ZFR: variants seen among roughly 807,000 people sequenced by gnomAD.
ZFR encodes zinc finger RNA binding protein.
Under a neutral mutation model 130.7 loss-of-function variants are expected in ZFR, and 19 were observed. The observed-to-expected ratio is 0.15, with a 90% CI of 0.10 to 0.21. The LOEUF is 0.21. Ranked by LOEUF, ZFR falls within the 10% of genes least tolerant of loss-of-function variation. ZFR has a pLI of 1.00. For missense variants in ZFR, 872 were observed against 1,321.5 expected (o/e 0.66, Z 5.27); for synonymous variants, 466 against 456.9 (o/e 1.02, Z -0.25).
intron 11 of ZFR, 25 bp downstream of exon 11, chr5:32,395,134 G>C: frequency 4.5e-6 from 7 of 1,562,644 alleles, no homozygotes; most frequent in Non-Finnish European, 6.0e-6. Context: ...CCACTTACCA[G>C]GCTATTAAAA....
At chr5:32,385,484 T>C (rs773288690) in intron 15 of ZFR, 24 bp downstream of exon 15, 14 of 1,607,776 alleles carry the variant, frequency 8.7e-6, no homozygotes, top group Non-Finnish European at 1.1e-5. Context: ...TAATAGAAAG[T>C]AGAAAGTTTA....
At chr5:32,408,823 G>A (rs144582643) in intron 5 of ZFR, among the ~76,000 whole-genome samples, 149 of 152,236 alleles carry the variant, frequency 9.8e-4, no homozygotes, top group African/African-American at 3.4e-3. Context: ...CATTTCAGAT[G>A]TTTTCTTGTC....
intron 11 of ZFR, among the ~76,000 whole-genome samples, chr5:32,393,514 G>A (rs756909020): frequency 1.3e-5 from 2 of 151,908 alleles, no homozygotes; most frequent in Non-Finnish European, 2.9e-5. Context: ...GGCTAATTTT[G>A]TATTTTTAGT....
intron 19 of ZFR, among the ~76,000 whole-genome samples, chr5:32,359,938 C>T (rs1321803889): frequency 1.3e-5 from 2 of 149,308 alleles, no homozygotes; most frequent in Non-Finnish European, 3.0e-5. Flanking sequence ...AGCGAGACTC[C>T]GTCTTAAGGA....
chr5:32,375,996 CA>C (rs1225332071), intron 17 of ZFR, among the ~76,000 whole-genome samples: 1 of 151,920 alleles, frequency 6.6e-6, no homozygotes, highest in Non-Finnish European at 1.5e-5. Flanking sequence ...CGTCTGCCAC[CA>C]AGCCTGGCTA....
intron 12 of ZFR, among the ~76,000 whole-genome samples, chr5:32,389,163 A>AG (rs1452171260): frequency 6.6e-6 from 1 of 152,178 alleles, no homozygotes; most frequent in Admixed American, 6.5e-5. Flanking sequence ...TGCATCTCTC[A>AG]AGATGCAGAT....
intron 15 of ZFR, among the ~76,000 whole-genome samples, chr5:32,384,473 T>TA (rs1310330045): frequency 1.3e-5 from 2 of 152,190 alleles, no homozygotes; most frequent in Non-Finnish European, 2.9e-5. Flanking sequence ...CCCAGTGTCT[T>TA]AAAAAATTGC....
intron 5 of ZFR, among the ~76,000 whole-genome samples, chr5:32,411,714 G>GGGGA (rs138920140): frequency 0.29 from 15,822 of 54,532 alleles, 4,511 homozygotes; most frequent in East Asian, 0.49. Flanking sequence ...AATTGAGGGG[G>GGGGA]GGCGGGGAAT....
At chr5:32,404,407 T>A (rs1358557069) in intron 6 of ZFR, among the ~76,000 whole-genome samples, 1 of 152,218 alleles carries the variant, frequency 6.6e-6, no homozygotes, top group Non-Finnish European at 1.5e-5. Context: ...CAGAGAATAA[T>A]AGACAGTGAT....
At chr5:32,424,017 T>C (rs938727681) in intron 2 of ZFR, among the ~76,000 whole-genome samples, 4 of 152,180 alleles carry the variant, frequency 2.6e-5, no homozygotes, top group South Asian at 2.1e-4. Context: ...TACATGAAGA[T>C]ATATTCCAGC....
intron 19 of ZFR, among the ~76,000 whole-genome samples, chr5:32,358,953 T>C (rs1752371896): frequency 6.6e-6 from 1 of 152,092 alleles, no homozygotes; most frequent in African/African-American, 2.4e-5. Context: ...CCGGGCATGG[T>C]GGCTAAGCAC....
chr5:32,430,607 G>C (rs1228959807), intron 2 of ZFR, among the ~76,000 whole-genome samples: 1 of 151,996 alleles, frequency 6.6e-6, no homozygotes, highest in East Asian at 1.9e-4. Context: ...GGAGTCCCAA[G>C]AAACCCTAGT....
At chr5:32,432,737 C>T (rs1273223371) in intron 2 of ZFR, among the ~76,000 whole-genome samples, 1 of 151,694 alleles carries the variant, frequency 6.6e-6, no homozygotes, top group East Asian at 1.9e-4. Context: ...ATTTAGGTTC[C>T]ATTTCTTCTT....
At chr5:32,392,142 G>T (rs1176633129) in intron 11 of ZFR, among the ~76,000 whole-genome samples, 1 of 152,172 alleles carries the variant, frequency 6.6e-6, no homozygotes, top group East Asian at 1.9e-4. Flanking sequence ...AAACGTTCTG[G>T]AAAATCCTGT....
At chr5:32,395,102 TAA>T (rs1442973843) in intron 11 of ZFR, 55 bp downstream of exon 11, 5 of 1,490,576 alleles carry the variant, frequency 3.4e-6, no homozygotes, top group Admixed American at 2.4e-5. Context: ...TCAGAATGGC[TAA>T]GTTTTTAAGA....
At chr5:32,424,933 A>T (rs1361378646) in intron 2 of ZFR, among the ~76,000 whole-genome samples, 1 of 151,902 alleles carries the variant, frequency 6.6e-6, no homozygotes, top group Non-Finnish European at 1.5e-5. Flanking sequence ...AGTGAAACAC[A>T]AGAGTTTCAA....
intron 17 of ZFR, among the ~76,000 whole-genome samples, chr5:32,376,136 C>T (rs1752803277): frequency 6.6e-6 from 1 of 151,800 alleles, no homozygotes; most frequent in Non-Finnish European, 1.5e-5. Flanking sequence ...GCCACCATGC[C>T]CAGTTTTAAA....
At chr5:32,383,934 T>A (rs1752984407) in intron 15 of ZFR, 1 of 338,212 alleles carries the variant, frequency 3.0e-6, no homozygotes, top group Middle Eastern at 7.2e-4. Flanking sequence ...ATTTTCCTCA[T>A]CATAATATTT....
intron 16 of ZFR, 114 bp from the exon 17 acceptor site, chr5:32,379,324 C>T: frequency 1.1e-6 from 1 of 878,762 alleles, no homozygotes. Flanking sequence ...AAAACAAAAA[C>T]AATCACACTT....
Sources: allele counts gnomAD v4.1 joint callset (sites outside exome capture counted in the v4.1 genomes callset), GRCh38; gene constraint gnomAD v4.1.1; transcripts MANE v1.5; gene names NCBI Gene and HGNC (gene_info 2026-07-23, HGNC 2026-07-21).